Variants in SEMA6C observed in about 807,000 individuals in gnomAD.
SEMA6C encodes semaphorin 6C, also known as semaphorin-6C.
SEMA6C carries 37 observed loss-of-function variants against 72.9 expected under a neutral mutation model. The ratio of observed to expected loss-of-function variants is 0.51; its 90% CI spans 0.39 to 0.67. The LOEUF (loss-of-function observed/expected upper bound fraction) is 0.67. SEMA6C is among the 30% of genes least tolerant of loss of function. SEMA6C has a pLI of 0.00. For synonymous variants in SEMA6C, 578 were observed against 554.1 expected, an observed-to-expected ratio of 1.04 and a Z score of -0.61; for missense variants, 1,189 against 1,263.6, an observed-to-expected ratio of 0.94 and a Z score of 0.89.
At chr1:151,135,887 A>G in intron 13 of SEMA6C, 123 bp from the exon 14 acceptor site, 2 of 1,521,680 alleles carry the variant, frequency 1.3e-6, no homozygotes, top group Non-Finnish European at 1.8e-6. Flanking sequence ...TTGCCTTCTT[A>G]GCTCTCTCCC....
At chr1:151,137,658 C>G (rs1474066214) in intron 10 of SEMA6C, 53 bp downstream of exon 10, 16 of 1,471,546 alleles carry the variant, frequency 1.1e-5, no homozygotes, top group Non-Finnish European at 1.2e-5. Flanking sequence ...AGACTGGCTC[C>G]TCAGGATCCA....
Position 151,139,476 on chromosome 1 carries a change from T to G in SEMA6C, c.303A>C (p.Leu101=). 2 of 1,614,124 alleles carry G rather than the reference T, an allele frequency of 1.2e-6. No individual in the cohort carries two copies. The highest frequency in any genetic ancestry group is 1.7e-6 in the Non-Finnish European group (2 of 1,179,958). The change falls in exon 6 of 19, where the codon CTA becomes CTC. Residue 101 remains leucine (L), a synonymous_variant. Transcript: ENST00000368914. ...TCTCCACATCTTGGCTTCTCCATGT[T>G]AGATACTGAAGGGATAAGTTGAAGA... ...EGEGLVPNKY[L]TWRSQDVENC... is the part of the protein sequence containing the mutation.
chr1:151,138,765 G>GCACAAAT, intron 6 of SEMA6C, 34 bp from the exon 7 acceptor site: 1 of 1,526,040 alleles, frequency 6.6e-7, no homozygotes, highest in Non-Finnish European at 9.1e-7. Flanking sequence ...CAGTGACAGA[G>GCACAAAT]GGTCCTGGGA....
chr1:151,133,041 G>T lies in SEMA6C; in HGVS notation c.2236C>A (p.Pro746Thr). The T allele has an allele frequency of 7.2e-7, 1 of 1,398,162 alleles. No individual in the cohort carries two copies. 86.6% of individuals were successfully genotyped at this position (1,398,162 alleles called of 1,614,324 possible). A position where few individuals can be genotyped will look rare whatever the true frequency, so the allele number is the denominator to read the frequency against. ...RGGHAAGGPA[P>T]RVLVRPPPPG... ...GGCGGTGGCCTCACCAGCACGCGGG[G>T]CGCGGGCCCGCCCGCCGCGTGCCCG... Residue 746 changes from proline to threonine, a missense_variant, in exon 19 of 19, where the codon CCC becomes ACC. Pro to Thr is a conservative substitution (Grantham distance 38). Around this residue, in one of 2 missense-constraint regions of SEMA6C, gnomAD observed 721 missense variants for 686.2 expected, o/e 1.05. Coordinates refer to ENST00000368914, the MANE Select transcript of SEMA6C (RefSeq NM_030913.6). This position sits in a 1 kb window ranked among gnomAD's most constrained non-coding sequence, Gnocchi z 5.9.
rs74127528 is a variant in SEMA6C, at chr1:151,134,828, C to G, written c.1628G>C (p.Arg543Thr). Residue 543 changes from arginine to threonine, a missense_variant, in exon 16 of 19, where the codon AGG (arginine) becomes ACG (threonine). Coordinates refer to ENST00000368914, the MANE Select transcript of SEMA6C (RefSeq NM_030913.6). ...QDPYCGWHSS[R>T]GCVDIRGSGG... ...AGATCCCCTGATATCCACACAGCCC[C>G]TGGAGCTATGCCATCCACAGTATGG... 4.0e-3 allele frequency: 6,417 copies of G among 1,614,184 alleles called. 218 individuals carry two copies. The African/African-American group carries it at 0.075, about 19-fold the overall frequency.
chr1:151,137,094 T>C lies in SEMA6C; in HGVS notation c.757-20A>G. The C allele has an allele frequency of 6.2e-7, 1 of 1,605,024 alleles. No homozygotes were observed. Among genetic ancestry groups the C allele is most frequent in the Non-Finnish European group, 8.5e-7 (1 of 1,174,558 alleles). ...CTGCACCTAGGGGAGGAGAGTGGAG[T>C]AGACAATGGTGAGACAGACCCACAG... On this transcript the variant is annotated intron_variant, in intron 10 of 18. Coordinates refer to ENST00000368914, the MANE Select transcript of SEMA6C (RefSeq NM_030913.6).
chr1:151,138,812 G>T, intron 6 of SEMA6C, 81 bp from the exon 7 acceptor site: 1 of 1,177,288 alleles, frequency 8.5e-7, no homozygotes, highest in Non-Finnish European at 1.3e-6. Flanking sequence ...GGGCTTACAG[G>T]GCGGGCGTGG....
At position 151,132,118 on chromosome 1, in the gene SEMA6C, C is replaced by G; in HGVS notation, c.*366G>C. On this transcript the variant is annotated 3_prime_UTR_variant, in exon 19 of 19. Transcript: ENST00000368914. ...ACAGTAGGAGAGGCACGTCCCAGACCCAGAAGGCCCGAGGACTCTGGACAC... is the reference window on the plus strand; with the variant it reads ...ACAGTAGGAGAGGCACGTCCCAGACGCAGAAGGCCCGAGGACTCTGGACAC... The G allele has an allele frequency of 9.4e-7, 1 of 1,061,676 alleles. No homozygotes were observed. The highest frequency in any genetic ancestry group is 3.1e-5 in the Admixed American group (1 of 31,786). The allele number at this position is 1,061,676 out of a possible 1,614,324, so 65.8% of individuals were successfully genotyped here.
In SEMA6C at chr1:151,132,157, C is replaced by G; in HGVS notation, c.*327G>C. ...GACTCTGGACACAGCGCGCGCGGCC[C>G]GCCCGGGGCACAGTCTCTGGGGGAG... is the stretch of plus-strand genomic sequence containing the variant. On this transcript the variant is annotated 3_prime_UTR_variant, in exon 19 of 19. Coordinates refer to ENST00000368914, the MANE Select transcript of SEMA6C (RefSeq NM_030913.6). 2 of 1,373,058 alleles carry G rather than the reference C, an allele frequency of 1.5e-6. No individual in the cohort carries two copies. Among genetic ancestry groups the G allele is most frequent in the Non-Finnish European group, 1.9e-6 (2 of 1,047,816 alleles). 85.1% of individuals were successfully genotyped at this position (1,373,058 alleles called of 1,614,324 possible).
At chr1:151,143,566 C>T (rs1043444520) in intron 2 of SEMA6C, among the ~76,000 whole-genome samples, 2 of 152,164 alleles carry the variant, frequency 1.3e-5, no homozygotes, top group African/African-American at 4.8e-5. Context: ...TCCCTTCCTT[C>T]CCTCATCTGC....
In SEMA6C at chr1:151,131,781, AG is replaced by A. The variant is rs1681553922; in HGVS notation, c.*702del. ...CCCCATCCCATAGACTAGGCCTTTA[AG>A]AAAGTCCCTCTTACCTCGATCTGGA... On this transcript the variant is annotated 3_prime_UTR_variant, in exon 19 of 19. Transcript: ENST00000368914. The A allele has an allele frequency of 6.3e-6, 1 of 158,948 alleles. No individual in the cohort carries two copies. The highest frequency in any genetic ancestry group is 2.4e-5 in the African/African-American group (1 of 41,462). The allele number at this position is 158,948 out of a possible 1,614,324, so 9.8% of individuals were successfully genotyped here.
At chr1:151,139,185 G>C (rs1264686511) in intron 6 of SEMA6C, among the ~76,000 whole-genome samples, 5 of 152,050 alleles carry the variant, frequency 3.3e-5, no homozygotes, top group Non-Finnish European at 2.9e-5. Flanking sequence ...TCCCAAATAA[G>C]CTGTTTGCTG....
At chr1:151,144,228 A>C (rs968978083) in intron 2 of SEMA6C, among the ~76,000 whole-genome samples, 157 bp downstream of exon 2, 1 of 149,616 alleles carries the variant, frequency 6.7e-6, no homozygotes, top group Non-Finnish European at 1.5e-5. Flanking sequence ...TCTCCCCACC[A>C]CCCCCCTGCC....
chr1:151,136,236 G>C, intron 12 of SEMA6C, 73 bp from the exon 13 acceptor site: 1 of 1,581,564 alleles, frequency 6.3e-7, no homozygotes. Flanking sequence ...GCCCCCTACT[G>C]CTCCCAAACC....
In SEMA6C at chr1:151,134,884, A is replaced by G. The variant is rs746877323; in HGVS notation, c.1581-9T>C. The stretch of plus-strand genomic sequence containing the variant: ...GAGAAGCCAAACAGCTCCTAGGGAA[A>G]ACGGAGGTGTGTGAGGCTGGATCCC... On this transcript the variant is annotated splice_polypyrimidine_tract_variant and intron_variant, in intron 15 of 18. Transcript: ENST00000368914. 1.2e-6 allele frequency: 2 copies of G among 1,612,376 alleles called. No individual in the cohort carries two copies. Among genetic ancestry groups the G allele is most frequent in the Admixed American group, 1.7e-5 (1 of 60,016 alleles).
chr1:151,138,127 G>A, intron 8 of SEMA6C, 22 bp from the exon 9 acceptor site: 7 of 1,612,484 alleles, frequency 4.3e-6, no homozygotes, highest in Non-Finnish European at 5.9e-6. Context: ...GGTGGAGTGG[G>A]GTCAGGGGAG....
chr1:151,139,861 C>A, intron 4 of SEMA6C, 115 bp downstream of exon 4: 1 of 1,239,044 alleles, frequency 8.1e-7, no homozygotes, highest in South Asian at 1.3e-5. Context: ...TGTCCACACC[C>A]CGTGGCTTGT....
Position 151,135,237 on chromosome 1 carries a change from C to A in SEMA6C, c.1506G>T (p.Arg502Ser). ...IGLELDTEGHRLFVAFSGCIV... is the reference protein window; with the variant it reads ...IGLELDTEGHSLFVAFSGCIV... The stretch of plus-strand genomic sequence containing the variant: ...TACAGCCAGAAAAAGCCACAAAAAG[C>A]CTGTGACCCTCAGTGTCCAGCTCCA... Residue 502 changes from arginine (R) to serine (S), a missense_variant, in exon 15 of 19, where the codon AGG (arginine) becomes AGT (serine). Physicochemically the swap from Arg to Ser is moderately radical, Grantham distance 110. This residue lies in a region of SEMA6C where 721 missense variants were observed against 686.2 expected (regional missense o/e 1.05). Coordinates refer to ENST00000368914, the MANE Select transcript of SEMA6C (RefSeq NM_030913.6). The A allele has an allele frequency of 6.2e-7, 1 of 1,614,244 alleles. No homozygotes were observed. Among genetic ancestry groups the A allele is most frequent in the Non-Finnish European group, 8.5e-7 (1 of 1,180,044 alleles).
intron 18 of SEMA6C, 51 bp downstream of exon 18, chr1:151,134,350 C>G (rs765044754): frequency 2.0e-6 from 3 of 1,484,882 alleles, no homozygotes; most frequent in Non-Finnish European, 2.8e-6. Context: ...GACACACACT[C>G]AGGTATGTGG....
Sources: gnomAD v4.1 joint callset for allele counts (sites outside exome capture counted in the v4.1 genomes callset) on GRCh38, gnomAD v4.1.1 for gene constraint, gnomAD v4.1.1 regional missense constraint, Gnocchi (gnomAD v3.1) non-coding constraint, MANE v1.5 for transcripts, NCBI Gene and HGNC (gene_info 2026-07-23, HGNC 2026-07-21) for gene names.